TENM3: variants seen among roughly 807,000 people sequenced by gnomAD.
TENM3 encodes the protein teneurin transmembrane protein 3.
In TENM3, 63 loss-of-function variants were observed where a neutral mutation model predicts 255.1. The observed-to-expected ratio is 0.25, with a 90% CI of 0.20 to 0.30. The LOEUF (loss-of-function observed/expected upper bound fraction) is 0.30, where lower values mean the gene tolerates loss of function less well. Among genes scored for constraint, TENM3 ranks in the 10% least tolerant of loss-of-function variants. TENM3 has a pLI of 1.00. For synonymous variants in TENM3, 1,306 were observed against 1,322.3 expected (o/e 0.99, Z 0.27); for missense variants, 2,929 against 3,461.1 (o/e 0.85, Z 3.86).
chr4:182,244,282 C>T (rs1040426077), intron 1 of TENM3, among the ~76,000 whole-genome samples: 1 of 152,096 alleles, frequency 6.6e-6, no homozygotes, highest in Admixed American at 6.5e-5. Flanking sequence ...AAACATATAA[C>T]CCAGGGTATT....
intron 3 of TENM3, among the ~76,000 whole-genome samples, chr4:182,366,466 G>A (rs1766437827): frequency 6.6e-6 from 1 of 151,478 alleles, no homozygotes. Context: ...ATTTTGTAAT[G>A]TAATAGTTGA....
In TENM3 at chr4:182,495,384, G is replaced by A. The variant is rs184789700; in HGVS notation, c.512-105540G>A. ...ACCTAGCCAATCTTCAGGACTCACA[G>A]GGAAAATGGTTTCAGATTCATAGCT... On this transcript the variant is annotated intron_variant, in intron 3 of 27. Coordinates refer to ENST00000511685, the MANE Select transcript of TENM3 (RefSeq NM_001080477.4). 5.3e-5 allele frequency among the ~76,000 whole-genome samples: 8 copies of A among 152,228 alleles called. No homozygotes were observed. In the East Asian group the frequency reaches 1.4e-3, roughly 26 times the overall value.
At chr4:181,759,749 TG>T in the TENM3 span, among the ~76,000 whole-genome samples, 1 of 151,860 alleles carries the variant, frequency 6.6e-6, no homozygotes, top group Non-Finnish European at 1.5e-5. Context: ...TGTGTGTGTG[TG>T]TGTGTGTGTG....
chr4:182,101,196 AAGGAAAGAAGGGAGGG>A, the TENM3 span, among the ~76,000 whole-genome samples: 10 of 117,814 alleles, frequency 8.5e-5, no homozygotes, highest in Admixed American at 1.6e-4. Flanking sequence ...GGGAGGGAGG[AAGGAAAGAAGGGAGGG>A]AGGAAGGAAA....
intron 3 of TENM3, among the ~76,000 whole-genome samples, chr4:182,563,941 G>A (rs536752875): frequency 6.6e-6 from 1 of 152,240 alleles, no homozygotes; most frequent in East Asian, 1.9e-4. Flanking sequence ...AGGTCTTCAT[G>A]GTTCATGTTT....
the TENM3 span, among the ~76,000 whole-genome samples, chr4:182,028,285 C>T: frequency 2.0e-5 from 3 of 152,130 alleles, no homozygotes; most frequent in Non-Finnish European, 4.4e-5. Context: ...ACTAATGATA[C>T]TTTGAATTTC....
chr4:181,475,147 C>G, the TENM3 span, among the ~76,000 whole-genome samples: 1 of 152,198 alleles, frequency 6.6e-6, no homozygotes, highest in Non-Finnish European at 1.5e-5. Flanking sequence ...ATCCGCTTAT[C>G]TCTGAATAAT....
the TENM3 span, among the ~76,000 whole-genome samples, chr4:181,880,123 C>T: frequency 3.9e-5 from 6 of 152,098 alleles, no homozygotes; most frequent in East Asian, 3.9e-4. Context: ...TTGTTAAACT[C>T]TGCCTCATGT....
intron 1 of TENM3, among the ~76,000 whole-genome samples, chr4:182,300,263 GGAA>G (rs1460915100): frequency 1.3e-5 from 2 of 149,670 alleles, no homozygotes; most frequent in East Asian, 4.1e-4. Context: ...AAGAAGCAAG[GGAA>G]GAAGAAGGAA....
At chr4:182,785,731 A>G (rs1285814306) in intron 24 of TENM3, among the ~76,000 whole-genome samples, 1 of 150,770 alleles carries the variant, frequency 6.6e-6, no homozygotes, top group Admixed American at 6.6e-5. Flanking sequence ...AAAAAAAAAA[A>G]AAGCCACTGA....
At chr4:181,798,111 G>GTGTA in the TENM3 span, among the ~76,000 whole-genome samples, 2 of 150,700 alleles carry the variant, frequency 1.3e-5, no homozygotes, top group East Asian at 1.9e-4. Flanking sequence ...GTGTGTGTGT[G>GTGTA]TGTGTATAGT....
At chr4:182,605,594 T>C (rs1748342151) in intron 4 of TENM3, among the ~76,000 whole-genome samples, 1 of 152,182 alleles carries the variant, frequency 6.6e-6, no homozygotes, top group Non-Finnish European at 1.5e-5. Context: ...TAACTTAGTA[T>C]TTCTTAAGAG....
At chr4:182,232,199 G>A (rs1156416880) in intron 1 of TENM3, among the ~76,000 whole-genome samples, 5 of 152,052 alleles carry the variant, frequency 3.3e-5, no homozygotes, top group South Asian at 4.2e-4. Flanking sequence ...GAAAGGGCTC[G>A]GATTTCACTT....
At chr4:181,635,382 A>G in the TENM3 span, among the ~76,000 whole-genome samples, 646 of 152,360 alleles carry the variant, frequency 4.2e-3, 1 homozygote, top group African/African-American at 0.015. Flanking sequence ...CATGAGGGAC[A>G]TCAGTAGTCA....
In TENM3 at chr4:182,517,529, G is replaced by A. The variant is rs544820027; in HGVS notation, c.512-83395G>A. On this transcript the variant is annotated intron_variant, in intron 3 of 27. Transcript: ENST00000511685. ...CTCCCGAGTAGCTGGGACTACAGGC[G>A]CCCGCTACCACGCCCGGCTAATTTT... is the stretch of plus-strand genomic sequence containing the variant. 8.9e-5 allele frequency among the ~76,000 whole-genome samples: 13 copies of A among 146,516 alleles called. 1 individual carries two copies. Among genetic ancestry groups the A allele is most frequent in the East Asian group, 6.1e-4 (3 of 4,922 alleles).
chr4:181,472,518 G>T, the TENM3 span, among the ~76,000 whole-genome samples: 5 of 152,062 alleles, frequency 3.3e-5, no homozygotes, highest in Non-Finnish European at 7.4e-5. Context: ...GGACAAAGAG[G>T]CCAGATAAGG....
At chr4:181,867,947 T>G in the TENM3 span, among the ~76,000 whole-genome samples, 12 of 152,206 alleles carry the variant, frequency 7.9e-5, no homozygotes, top group Non-Finnish European at 1.6e-4. Context: ...TATATTTTCT[T>G]GGAGGGAGAG....
chr4:181,888,642 A>G, the TENM3 span, among the ~76,000 whole-genome samples: 1 of 144,064 alleles, frequency 6.9e-6, no homozygotes, highest in South Asian at 2.2e-4. Flanking sequence ...AGAGAGACTT[A>G]CAGGAATAGA....
the TENM3 span, among the ~76,000 whole-genome samples, chr4:181,995,293 C>CAA: frequency 4.8e-5 from 6 of 124,822 alleles, no homozygotes; most frequent in East Asian, 1.4e-3. Context: ...CTGTCTCAAA[C>CAA]AAAAAAAAAA....
Sources: allele counts gnomAD v4.1 joint callset (sites outside exome capture counted in the v4.1 genomes callset), GRCh38; gene constraint gnomAD v4.1.1; transcripts MANE v1.5; gene names NCBI Gene and HGNC (gene_info 2026-07-23, HGNC 2026-07-21).